The following HSD17B4 variants were observed in gnomAD, a reference collection of about 807,000 sequenced individuals.
HSD17B4 encodes peroxisomal multifunctional enzyme type 2.
In HSD17B4, 70 loss-of-function variants were observed where a neutral mutation model predicts 101.0. The observed-to-expected ratio is 0.69, with a 90% CI of 0.57 to 0.85. HSD17B4 has a LOEUF of 0.85. HSD17B4 is among the 40% of genes least tolerant of loss of function. The pLI, the probability that HSD17B4 is intolerant of heterozygous loss-of-function variation, is 0.00. For synonymous variants in HSD17B4, 347 were observed against 297.1 expected (o/e 1.17, Z -1.73); for missense variants, 984 against 892.4 (o/e 1.10, Z -1.31).
intron 11 of HSD17B4, among the ~76,000 whole-genome samples, chr5:119,494,325 TTTTCTTTCTTTCTTTCTTTCTTTCTTTC>T (rs66578057): frequency 6.3e-5 from 7 of 111,614 alleles, no homozygotes; most frequent in African/African-American, 2.1e-4. Context: ...TCTTTCTTTC[TTTTCTTTCTTTCTTTCTTTCTTTCTTTC>T]TTTCTTTCTT....
chr5:119,469,004 G>T (rs1489486416), intron 2 of HSD17B4, among the ~76,000 whole-genome samples: 1 of 150,308 alleles, frequency 6.7e-6, no homozygotes, highest in African/African-American at 2.4e-5. Flanking sequence ...TTTGAGGGAG[G>T]CATATCTTAC....
At chr5:119,523,584 A>G (rs1183741963) in intron 17 of HSD17B4, among the ~76,000 whole-genome samples, 1 of 152,114 alleles carries the variant, frequency 6.6e-6, no homozygotes, top group African/African-American at 2.4e-5. Flanking sequence ...ATAGAAAGCA[A>G]TGCTATCATT....
chr5:119,541,959 C>G lies in HSD17B4; in HGVS notation c.2176C>G (p.Leu726Val), dbSNP rs145728297. ...AGGGAACATCATGCTGAGCCAGAAA[C>G]TTCAGATGATTCTTAAAGACTACGC... ...ARGNIMLSQK[L>V]QMILKDYAKL The change falls in exon 24 of 24, where the codon CTT becomes GTT. Residue 726 changes from leucine (L) to valine (V), a missense_variant. Physicochemically the swap from Leu to Val is conservative, Grantham distance 32. Transcript: ENST00000510025. 5.1e-5 allele frequency: 82 copies of G among 1,613,054 alleles called. No individual in the cohort carries two copies. In the African/African-American group the frequency reaches 1.0e-3, roughly 20 times the overall value.
intron 12 of HSD17B4, among the ~76,000 whole-genome samples, 193 bp from the exon 13 acceptor site, chr5:119,499,124 T>C (rs1172621325): frequency 6.6e-6 from 1 of 152,190 alleles, no homozygotes; most frequent in East Asian, 1.9e-4. Context: ...TTCTTAACTG[T>C]AAATGAAGTC....
intron 17 of HSD17B4, among the ~76,000 whole-genome samples, chr5:119,522,062 A>T (rs1470532552): frequency 6.6e-6 from 1 of 151,908 alleles, no homozygotes; most frequent in Non-Finnish European, 1.5e-5. Flanking sequence ...CGTTAGGTAT[A>T]TCTCCTAATG....
At chr5:119,485,210 C>T (rs982725285) in intron 8 of HSD17B4, among the ~76,000 whole-genome samples, 1 of 152,050 alleles carries the variant, frequency 6.6e-6, no homozygotes, top group African/African-American at 2.4e-5. Flanking sequence ...TCACTTTTTG[C>T]CATCGGTTCT....
chr5:119,531,582 T>TGC, intron 22 of HSD17B4, among the ~76,000 whole-genome samples, 178 bp downstream of exon 22: 1 of 151,418 alleles, frequency 6.6e-6, no homozygotes, highest in Non-Finnish European at 1.5e-5. Context: ...TGTGTGTGTG[T>TGC]GTGTGTGTGT....
chr5:119,530,031 G>T (rs760433395), intron 21 of HSD17B4, 51 bp downstream of exon 21: 2 of 1,081,428 alleles, frequency 1.8e-6, no homozygotes, highest in East Asian at 4.7e-5. Flanking sequence ...AGGAATTTCA[G>T]TTAAGGTGAC....
At chr5:119,471,947 T>C (rs1037106916) in intron 2 of HSD17B4, among the ~76,000 whole-genome samples, 1 of 152,162 alleles carries the variant, frequency 6.6e-6, no homozygotes, top group Non-Finnish European at 1.5e-5. Flanking sequence ...ACCATTCTTA[T>C]ACATTTGTGT....
intron 6 of HSD17B4, 106 bp from the exon 7 acceptor site, chr5:119,477,311 A>G (rs1435346363): frequency 3.8e-6 from 3 of 782,388 alleles, no homozygotes; most frequent in Non-Finnish European, 6.5e-6. Context: ...TTTATACATT[A>G]GGTATAAAAT....
At chr5:119,525,124 C>G in intron 17 of HSD17B4, 92 bp from the exon 18 acceptor site, 1 of 813,624 alleles carries the variant, frequency 1.2e-6, no homozygotes, top group East Asian at 2.5e-5. Flanking sequence ...TGATACAATG[C>G]TTATACCAAT....
chr5:119,473,297 A>T (rs199898477), intron 2 of HSD17B4, among the ~76,000 whole-genome samples: 5,348 of 27,916 alleles, frequency 0.19, no homozygotes, highest in Non-Finnish European at 0.22. Context: ...TTTTTTTTTT[A>T]CTTTTCTTCC....
chr5:119,499,710 A>C, intron 13 of HSD17B4, 157 bp downstream of exon 13: 1 of 429,628 alleles, frequency 2.3e-6, no homozygotes, highest in Non-Finnish European at 4.0e-6. Context: ...TTTTCTTTTT[A>C]AGAATAAAAG....
chr5:119,511,803 G>T (rs919411076), intron 16 of HSD17B4, among the ~76,000 whole-genome samples: 1 of 152,212 alleles, frequency 6.6e-6, no homozygotes, highest in Non-Finnish European at 1.5e-5. Context: ...AGTGTCTAGA[G>T]TTGTTATAAT....
At chr5:119,465,427 T>G (rs1050018886) in intron 2 of HSD17B4, among the ~76,000 whole-genome samples, 28 of 152,194 alleles carry the variant, frequency 1.8e-4, no homozygotes, top group Non-Finnish European at 3.2e-4. Flanking sequence ...TCCTTCTCTC[T>G]CTTGCTGCCA....
chr5:119,502,125 A>T (rs779979707), intron 14 of HSD17B4, 33 bp downstream of exon 14: 1 of 1,348,258 alleles, frequency 7.4e-7, no homozygotes. Flanking sequence ...CCATAATACC[A>T]TACTTTTATT....
intron 16 of HSD17B4, 96 bp from the exon 17 acceptor site, chr5:119,514,885 T>C (rs181343130): frequency 2.6e-6 from 2 of 783,628 alleles, no homozygotes; most frequent in African/African-American, 1.7e-5. Context: ...CAGAGTTTAT[T>C]GTATTGAAAC....
chr5:119,499,519 C>G lies in HSD17B4; in HGVS notation c.1175C>G (p.Ala392Gly), dbSNP rs1750962918. 1.2e-6 allele frequency: 2 copies of G among 1,612,972 alleles called. No individual in the cohort carries two copies. Among genetic ancestry groups the G allele is most frequent in the African/African-American group, 2.7e-5 (2 of 74,884 alleles). Residue 392 changes from alanine (A) to glycine (G), a missense_variant, in exon 13 of 24, where the codon GCA (alanine) becomes GGA (glycine). Transcript: ENST00000510025. ...GQKSMMGGGL[A>G]EIPGLSINFA... ...AAATCTATGATGGGTGGAGGATTAG[C>G]AGAAATTCCTGGACTTTCAATCAAC...
At chr5:119,506,443 C>T (rs161852) in intron 14 of HSD17B4, among the ~76,000 whole-genome samples, 67,222 of 151,998 alleles carry the variant, frequency 0.44, 15,471 homozygotes, top group East Asian at 0.5. Flanking sequence ...TGGTTCCAAG[C>T]CTTTGCTATT....
Sources: allele counts gnomAD v4.1 joint callset (sites outside exome capture counted in the v4.1 genomes callset), GRCh38; gene constraint gnomAD v4.1.1; transcripts MANE v1.5; gene names NCBI Gene and HGNC (gene_info 2026-07-23, HGNC 2026-07-21).